Variants in SORCS3 observed in about 807,000 individuals in gnomAD.
SORCS3 encodes sortilin related VPS10 domain containing receptor 3, also known as VPS10 domain-containing receptor SorCS3.
In SORCS3, 57 loss-of-function variants were observed where a neutral mutation model predicts 146.3. The ratio of observed to expected loss-of-function variants is 0.39; its 90% CI spans 0.31 to 0.49. The LOEUF (loss-of-function observed/expected upper bound fraction) is 0.49. Among genes scored for constraint, SORCS3 ranks in the 20% least tolerant of loss-of-function variants. The pLI, the probability that SORCS3 is intolerant of heterozygous loss-of-function variation, is 0.92. For missense variants in SORCS3, 1,341 were observed against 1,575.5 expected, an observed-to-expected ratio of 0.85 and a Z score of 2.52; for synonymous variants, 653 against 618.5, an observed-to-expected ratio of 1.06 and a Z score of -0.83.
intron 3 of SORCS3, among the ~76,000 whole-genome samples, chr10:104,946,465 A>G (rs1447547834): frequency 6.6e-6 from 1 of 152,122 alleles, no homozygotes; most frequent in Admixed American, 6.6e-5. Flanking sequence ...CCCTGCTATC[A>G]GCAGAAGACA....
intron 1 of SORCS3, among the ~76,000 whole-genome samples, chr10:104,723,401 A>G (rs889026626): frequency 2.6e-5 from 4 of 152,138 alleles, no homozygotes; most frequent in African/African-American, 9.7e-5. Context: ...ACTTCCCACT[A>G]TGTGGTCAAT....
chr10:105,035,473 T>C (rs947555335), intron 4 of SORCS3, among the ~76,000 whole-genome samples: 3 of 151,870 alleles, frequency 2.0e-5, no homozygotes, highest in African/African-American at 7.3e-5. Context: ...AGTTTTTTTT[T>C]TTTTTTCTTT....
chr10:105,002,501 A>G (rs1277850924), intron 4 of SORCS3, among the ~76,000 whole-genome samples: 3 of 152,214 alleles, frequency 2.0e-5, no homozygotes, highest in Non-Finnish European at 4.4e-5. Flanking sequence ...CAGAATGAAT[A>G]AGGTAGTGAA....
At chr10:104,781,288 G>A (rs949924970) in intron 1 of SORCS3, among the ~76,000 whole-genome samples, 3 of 152,206 alleles carry the variant, frequency 2.0e-5, no homozygotes, top group Admixed American at 6.5e-5. Flanking sequence ...GCTGGGATTG[G>A]AGCCCCTTGT....
At chr10:105,076,443 GC>G (rs1350169588) in intron 5 of SORCS3, among the ~76,000 whole-genome samples, 1 of 152,056 alleles carries the variant, frequency 6.6e-6, no homozygotes, top group Non-Finnish European at 1.5e-5. Flanking sequence ...CGTCTCTATG[GC>G]CTTTATAAAC....
At chr10:104,967,867 C>T (rs1412833849) in intron 3 of SORCS3, among the ~76,000 whole-genome samples, 1 of 151,570 alleles carries the variant, frequency 6.6e-6, no homozygotes, top group Non-Finnish European at 1.5e-5. Context: ...ACCAAATTGC[C>T]TAGGCTGGTT....
At chr10:105,080,724 T>G (rs376418921) in intron 5 of SORCS3, among the ~76,000 whole-genome samples, 6 of 152,132 alleles carry the variant, frequency 3.9e-5, no homozygotes, top group Admixed American at 2.0e-4. Context: ...TTGTGTATGA[T>G]ATAAGGAAGG....
chr10:104,887,873 G>T (rs2018705178), intron 2 of SORCS3, among the ~76,000 whole-genome samples: 1 of 146,994 alleles, frequency 6.8e-6, no homozygotes, highest in Non-Finnish European at 1.5e-5. Flanking sequence ...ATCTGCATGA[G>T]GTGTCTAAGT....
At chr10:105,023,066 C>T (rs773147338) in intron 4 of SORCS3, among the ~76,000 whole-genome samples, 2 of 152,194 alleles carry the variant, frequency 1.3e-5, no homozygotes, top group Non-Finnish European at 2.9e-5. Flanking sequence ...CTACCTGCCT[C>T]TTCTCAGGCT....
intron 1 of SORCS3, among the ~76,000 whole-genome samples, chr10:104,685,751 G>T (rs1422557046): frequency 3.3e-5 from 5 of 152,184 alleles, no homozygotes; most frequent in Admixed American, 3.3e-4. Flanking sequence ...AACATTCTTT[G>T]TGGTGCAGGA....
At chr10:104,681,454 A>G (rs1480624697) in intron 1 of SORCS3, among the ~76,000 whole-genome samples, 1 of 152,038 alleles carries the variant, frequency 6.6e-6, no homozygotes, top group Non-Finnish European at 1.5e-5. Context: ...GAAGTCCAAG[A>G]TGGGCTTCCA....
At chr10:104,818,371 T>TCCTTCCTTCCTTCCTA (rs2017830687) in intron 1 of SORCS3, among the ~76,000 whole-genome samples, 1 of 144,452 alleles carries the variant, frequency 6.9e-6, no homozygotes, top group African/African-American at 2.8e-5. Flanking sequence ...CTTCCTTCCT[T>TCCTTCCTTCCTTCCTA]CCTTCCTTCC....
At chr10:105,260,052 T>C (rs2056952087) in intron 25 of SORCS3, among the ~76,000 whole-genome samples, 1 of 152,194 alleles carries the variant, frequency 6.6e-6, no homozygotes, top group Non-Finnish European at 1.5e-5. Flanking sequence ...ATTTTTAAAA[T>C]TATGCAAATT....
At chr10:105,193,638 C>T (rs2056529175) in intron 14 of SORCS3, among the ~76,000 whole-genome samples, 1 of 152,148 alleles carries the variant, frequency 6.6e-6, no homozygotes, top group Non-Finnish European at 1.5e-5. Context: ...ATTCTTTGAA[C>T]ACATGTCACT....
At chr10:104,668,724 T>C (rs1257842164) in intron 1 of SORCS3, among the ~76,000 whole-genome samples, 4 of 152,202 alleles carry the variant, frequency 2.6e-5, no homozygotes, top group Admixed American at 6.5e-5. Context: ...GCACAGATCA[T>C]ATCTAGACTT....
At chr10:104,769,784 T>G (rs1203996650) in intron 1 of SORCS3, among the ~76,000 whole-genome samples, 1 of 152,280 alleles carries the variant, frequency 6.6e-6, no homozygotes, top group South Asian at 2.1e-4. Context: ...CGACCTTGAA[T>G]AGGACTTTCC....
rs556137735 is a variant in SORCS3, at chr10:105,203,352, C to G, written c.2261+2099C>G. ...AATCACAATTAAGCAAAAATAGTCACAGCAATGAGTGCAGTAGGCCACTCA... is the reference window on the plus strand; with the variant it reads ...AATCACAATTAAGCAAAAATAGTCAGAGCAATGAGTGCAGTAGGCCACTCA... On this transcript the variant is annotated intron_variant, in intron 16 of 26. Coordinates refer to ENST00000369701, the MANE Select transcript of SORCS3 (RefSeq NM_014978.3). 3.9e-5 allele frequency among the ~76,000 whole-genome samples: 6 copies of G among 152,246 alleles called. 1 individual carries two copies. The East Asian group carries it at 1.2e-3, about 29-fold the overall frequency.
At chr10:105,066,099 CTAATACT>C (rs2055521108) in intron 5 of SORCS3, among the ~76,000 whole-genome samples, 1 of 152,142 alleles carries the variant, frequency 6.6e-6, no homozygotes, top group Non-Finnish European at 1.5e-5. Flanking sequence ...TTATAAAAAG[CTAATACT>C]CAGAAAGAGT....
intron 2 of SORCS3, among the ~76,000 whole-genome samples, chr10:104,869,614 A>G (rs1214933455): frequency 6.6e-6 from 1 of 152,224 alleles, no homozygotes; most frequent in Non-Finnish European, 1.5e-5. Flanking sequence ...TGGACCCTCT[A>G]GGCACTATCA....
Sources: gnomAD v4.1 joint callset for allele counts (sites outside exome capture counted in the v4.1 genomes callset) on GRCh38, gnomAD v4.1.1 for gene constraint, MANE v1.5 for transcripts, NCBI Gene and HGNC (gene_info 2026-07-23, HGNC 2026-07-21) for gene names.